QTMAN: variants seen among roughly 807,000 people sequenced by gnomAD.
QTMAN encodes the protein tRNA-queuosine alpha-mannosyltransferase.
the QTMAN span, among the ~76,000 whole-genome samples, chr2:144,169,996 A>G: frequency 1.3e-5 from 2 of 152,152 alleles, no homozygotes; most frequent in East Asian, 3.8e-4. Context: ...ACATGCAAAC[A>G]TATTTTATAC....
the QTMAN span, among the ~76,000 whole-genome samples, chr2:144,089,703 T>C: frequency 1.2e-4 from 18 of 152,148 alleles, no homozygotes; most frequent in Admixed American, 2.6e-4. Flanking sequence ...TTTTTACTTA[T>C]ATGTGGGAAG....
the QTMAN span, among the ~76,000 whole-genome samples, chr2:144,118,725 C>CA: frequency 6.6e-6 from 1 of 152,010 alleles, no homozygotes; most frequent in South Asian, 2.1e-4. Flanking sequence ...GCTAAAAATA[C>CA]AAAAAATTAG....
the QTMAN span, among the ~76,000 whole-genome samples, chr2:144,092,918 A>T: frequency 7.1e-6 from 1 of 140,916 alleles, no homozygotes; most frequent in Non-Finnish European, 1.5e-5. Flanking sequence ...TGTAGGAAAC[A>T]CTGAGTATCT....
the QTMAN span, among the ~76,000 whole-genome samples, chr2:144,288,732 A>G: frequency 6.6e-6 from 1 of 152,204 alleles, no homozygotes; most frequent in Non-Finnish European, 1.5e-5. Flanking sequence ...AGATCCCACC[A>G]CACCCTACTG....
chr2:144,315,825 T>C, the QTMAN span, among the ~76,000 whole-genome samples: 1 of 152,200 alleles, frequency 6.6e-6, no homozygotes, highest in Admixed American at 6.5e-5. Context: ...TTTTTACCTG[T>C]CCTGTCTTCA....
chr2:144,207,483 C>T, the QTMAN span, among the ~76,000 whole-genome samples: 13 of 152,208 alleles, frequency 8.5e-5, no homozygotes, highest in African/African-American at 3.1e-4. Flanking sequence ...TCCAACATGC[C>T]CTTCCTCTAA....
the QTMAN span, among the ~76,000 whole-genome samples, chr2:144,144,249 TA>T: frequency 1.3e-5 from 2 of 151,948 alleles, no homozygotes; most frequent in Non-Finnish European, 2.9e-5. Flanking sequence ...CTTACATTCT[TA>T]AAAATCCAGT....
chr2:143,973,439 C>A, the QTMAN span, among the ~76,000 whole-genome samples: 1 of 152,182 alleles, frequency 6.6e-6, no homozygotes, highest in East Asian at 1.9e-4. Flanking sequence ...TCATCTATGT[C>A]ATGCAAACTT....
At chr2:144,039,005 G>A in the QTMAN span, among the ~76,000 whole-genome samples, 2 of 152,052 alleles carry the variant, frequency 1.3e-5, no homozygotes, top group Admixed American at 1.3e-4. Context: ...TTTGAGACCT[G>A]CTAGGGACCA....
chr2:144,311,669 T>C, the QTMAN span, among the ~76,000 whole-genome samples: 2 of 152,342 alleles, frequency 1.3e-5, no homozygotes, highest in South Asian at 4.1e-4. Context: ...TCCTACTTGA[T>C]ATCCTTTTGT....
At chr2:144,182,693 G>A in the QTMAN span, among the ~76,000 whole-genome samples, 1 of 137,580 alleles carries the variant, frequency 7.3e-6, no homozygotes, top group Admixed American at 7.8e-5. Context: ...TGCAGGGCAT[G>A]CCTGATAGGC....
the QTMAN span, among the ~76,000 whole-genome samples, chr2:144,332,164 G>C: frequency 1.1e-5 from 1 of 87,470 alleles, no homozygotes; most frequent in South Asian, 4.4e-4. Flanking sequence ...TTTGCAGAAG[G>C]CACAAAATGC....
chr2:144,332,229 G>A, the QTMAN span, among the ~76,000 whole-genome samples: 6 of 151,724 alleles, frequency 4.0e-5, no homozygotes, highest in Non-Finnish European at 8.8e-5. Flanking sequence ...AGGGAGCGCA[G>A]CGCGTGCGCC....
At chr2:144,179,035 A>G in the QTMAN span, 2 of 453,710 alleles carry the variant, frequency 4.4e-6, no homozygotes, top group Non-Finnish European at 9.0e-6. Context: ...TATTACGGCT[A>G]GCATTTTGAG....
chr2:144,263,684 T>C, the QTMAN span, among the ~76,000 whole-genome samples: 7 of 152,250 alleles, frequency 4.6e-5, no homozygotes, highest in East Asian at 1.9e-4. Flanking sequence ...GATTGTGCCA[T>C]TGCACTCCTG....
At chr2:143,956,741 C>A in the QTMAN span, among the ~76,000 whole-genome samples, 1 of 152,090 alleles carries the variant, frequency 6.6e-6, no homozygotes, top group Non-Finnish European at 1.5e-5. Context: ...ATCGACTGTT[C>A]ATGTGCACAA....
the QTMAN span, among the ~76,000 whole-genome samples, chr2:144,183,538 C>A: frequency 1.3e-5 from 2 of 152,246 alleles, no homozygotes; most frequent in South Asian, 4.1e-4. Context: ...TTAATTCTGA[C>A]TAAATTTCAT....
At chr2:144,052,792 C>T in the QTMAN span, among the ~76,000 whole-genome samples, 107 of 152,302 alleles carry the variant, frequency 7.0e-4, no homozygotes, top group South Asian at 1.0e-2. Context: ...GCTGGGATTA[C>T]AGGCATGCGC....
At chr2:144,325,824 A>T in the QTMAN span, among the ~76,000 whole-genome samples, 1 of 152,220 alleles carries the variant, frequency 6.6e-6, no homozygotes, top group East Asian at 1.9e-4. Context: ...TAGCACAAGA[A>T]ATTTTACAAA....
Sources: allele counts gnomAD v4.1 joint callset (sites outside exome capture counted in the v4.1 genomes callset), GRCh38; gene constraint gnomAD v4.1.1; transcripts MANE v1.5; gene names NCBI Gene and HGNC (gene_info 2026-07-23, HGNC 2026-07-21).